Variants in GALNT18 observed in about 807,000 individuals in gnomAD.
The protein encoded by GALNT18 is polypeptide N-acetylgalactosaminyltransferase 18.
Under a neutral mutation model 69.5 loss-of-function variants are expected in GALNT18, and 44 were observed. The ratio of observed to expected loss-of-function variants is 0.63; its 90% CI spans 0.50 to 0.81. The LOEUF (loss-of-function observed/expected upper bound fraction) is 0.81, where lower values mean the gene tolerates loss of function less well. GALNT18 is among the 40% of genes least tolerant of loss of function. GALNT18 has a pLI of 0.00. For missense variants in GALNT18, 715 were observed against 810.0 expected, an observed-to-expected ratio of 0.88 and a Z score of 1.42; for synonymous variants, 364 against 318.2, an observed-to-expected ratio of 1.14 and a Z score of -1.53.
intron 1 of GALNT18, among the ~76,000 whole-genome samples, chr11:11,566,803 C>A (rs968752187): frequency 1.3e-5 from 2 of 152,112 alleles, no homozygotes; most frequent in Admixed American, 1.3e-4. Flanking sequence ...GATGAACAGA[C>A]CACTTTGAAC....
At chr11:11,374,271 C>T (rs1354035374) in intron 5 of GALNT18, among the ~76,000 whole-genome samples, 1 of 152,188 alleles carries the variant, frequency 6.6e-6, no homozygotes, top group Non-Finnish European at 1.5e-5. Context: ...AGTTCCCTAG[C>T]CTCTCTGAGC....
At chr11:11,599,141 T>C (rs571963635) in intron 1 of GALNT18, among the ~76,000 whole-genome samples, 2 of 152,152 alleles carry the variant, frequency 1.3e-5, no homozygotes, top group Non-Finnish European at 2.9e-5. Flanking sequence ...GTCTTCTATA[T>C]CATCATTAGT....
chr11:11,281,972 G>A lies in GALNT18; in HGVS notation c.1678-10682C>T, dbSNP rs1024840055. On this transcript the variant is annotated intron_variant, in intron 10 of 10. Transcript: ENST00000227756. ...GGCCATGGTGGGGCATCGCTGAGCA[G>A]AGCCCTGACCTGCTCCCTGGGAACA... Among the ~76,000 whole-genome samples the A allele has an allele frequency of 3.3e-5, 5 of 152,102 alleles. No homozygotes were observed. The South Asian group carries it at 1.0e-3, about 32-fold the overall frequency.
rs78949618 is a variant in GALNT18 at position 11,337,248 on chromosome 11, C to A, written c.1278+3571G>T. Among the ~76,000 whole-genome samples, 897 of 152,332 alleles carry A rather than the reference C, an allele frequency of 5.9e-3. 5 individuals are homozygous for A. Among genetic ancestry groups the A allele is most frequent in the Non-Finnish European group, 9.5e-3 (645 of 68,040 alleles). ...CCAAGGGAGAGAGGGATTACTCACACTGCCAGCAAACTCACTCATTAATAA... is the reference window on the plus strand; with the variant it reads ...CCAAGGGAGAGAGGGATTACTCACAATGCCAGCAAACTCACTCATTAATAA... On this transcript the variant is annotated intron_variant, in intron 7 of 10. Coordinates refer to ENST00000227756, the MANE Select transcript of GALNT18 (RefSeq NM_198516.3). This position sits in a 1 kb window ranked among gnomAD's most constrained non-coding sequence, Gnocchi z 4.9.
At chr11:11,357,526 C>T (rs1177515227) in intron 6 of GALNT18, among the ~76,000 whole-genome samples, 1 of 152,226 alleles carries the variant, frequency 6.6e-6, no homozygotes, top group East Asian at 1.9e-4. Flanking sequence ...TTGACTCCAA[C>T]TATTCCCCCC....
intron 3 of GALNT18, among the ~76,000 whole-genome samples, chr11:11,393,652 G>C (rs867517335): frequency 9.8e-5 from 15 of 152,354 alleles, no homozygotes; most frequent in African/African-American, 3.6e-4. Context: ...GCCAGTAGAG[G>C]AACATCAACA....
At position 11,619,992 on chromosome 11, in the gene GALNT18, T is replaced by C. The variant is rs997995400; in HGVS notation, c.235+1367A>G. 1.3e-5 allele frequency among the ~76,000 whole-genome samples: 2 copies of C among 152,100 alleles called. No individual in the cohort carries two copies. Among genetic ancestry groups the C allele is most frequent in the Non-Finnish European group, 2.9e-5 (2 of 68,028 alleles). On this transcript the variant is annotated intron_variant, in intron 1 of 10. Coordinates refer to ENST00000227756, the MANE Select transcript of GALNT18 (RefSeq NM_198516.3). The surrounding 1 kb of genome is among the most constrained non-coding windows in gnomAD (Gnocchi z 4.9). ...GCACTCACCTGAACCTCCCTGAACC[T>C]TCCCCTCCTGGAAAGGAACTATTCT...
intron 2 of GALNT18, among the ~76,000 whole-genome samples, chr11:11,440,404 A>G (rs1309506751): frequency 6.6e-6 from 1 of 152,212 alleles, no homozygotes; most frequent in African/African-American, 2.4e-5. Flanking sequence ...TGAGCAGGCC[A>G]GGCCCATAGC....
chr11:11,449,021 GC>G (rs1334090807), intron 1 of GALNT18, 85 bp from the exon 2 acceptor site: 3 of 1,168,678 alleles, frequency 2.6e-6, no homozygotes, highest in Non-Finnish European at 3.5e-6. Flanking sequence ...CTCACAAACA[GC>G]CTTTGGTAAA....
At chr11:11,451,889 T>C (rs573304630) in intron 1 of GALNT18, among the ~76,000 whole-genome samples, 1 of 152,326 alleles carries the variant, frequency 6.6e-6, no homozygotes, top group South Asian at 2.1e-4. Flanking sequence ...CTCCACATTC[T>C]TTTCTCTACA....
intron 1 of GALNT18, among the ~76,000 whole-genome samples, chr11:11,615,919 T>C (rs1198348874): frequency 6.6e-6 from 1 of 152,220 alleles, no homozygotes; most frequent in Non-Finnish European, 1.5e-5. Context: ...TAACATATAA[T>C]ACAGGCAAAA....
At position 11,621,595 on chromosome 11, in the gene GALNT18, C is replaced by A; in HGVS notation, c.-2G>T. On this transcript the variant is annotated 5_prime_UTR_variant, in exon 1 of 11. Coordinates refer to ENST00000227756, the MANE Select transcript of GALNT18 (RefSeq NM_198516.3). This position sits in a 1 kb window ranked among gnomAD's most constrained non-coding sequence, Gnocchi z 9.3. ...TTTGGTCTTCCTGGTGCACACCATT[C>A]TGGGCTCCTTCCTCCATATAGAGCT... The A allele has an allele frequency of 6.3e-7, 1 of 1,584,116 alleles. No individual in the cohort carries two copies. Among genetic ancestry groups the A allele is most frequent in the East Asian group, 2.3e-5 (1 of 43,154 alleles).
At chr11:11,343,633 G>A (rs115476682) in intron 6 of GALNT18, among the ~76,000 whole-genome samples, 39 of 152,264 alleles carry the variant, frequency 2.6e-4, no homozygotes, top group African/African-American at 7.5e-4. Context: ...CTTTGCTCAG[G>A]TTCTCTATGA....
chr11:11,472,382 C>G (rs1427770938), intron 1 of GALNT18, among the ~76,000 whole-genome samples: 1 of 152,230 alleles, frequency 6.6e-6, no homozygotes, highest in East Asian at 1.9e-4. Context: ...ATGTATTTCT[C>G]AGAGCTTCCC....
intron 2 of GALNT18, among the ~76,000 whole-genome samples, chr11:11,441,029 G>C (rs533952254): frequency 6.6e-6 from 1 of 152,258 alleles, no homozygotes; most frequent in East Asian, 1.9e-4. Context: ...TCATACTACC[G>C]AATTTCTCTT....
At chr11:11,313,086 CT>C (rs1395049382) in intron 9 of GALNT18, among the ~76,000 whole-genome samples, 1 of 152,054 alleles carries the variant, frequency 6.6e-6, no homozygotes, top group Non-Finnish European at 1.5e-5. Context: ...AAGAAGCAGG[CT>C]TTTGGCTGAG....
At chr11:11,508,576 A>G (rs1181331937) in intron 1 of GALNT18, among the ~76,000 whole-genome samples, 1 of 152,142 alleles carries the variant, frequency 6.6e-6, no homozygotes, top group African/African-American at 2.4e-5. Flanking sequence ...TGCTTCCCCA[A>G]ATTGTTGTTG....
At chr11:11,295,815 CA>C (rs1382488582) in intron 9 of GALNT18, among the ~76,000 whole-genome samples, 1 of 151,996 alleles carries the variant, frequency 6.6e-6, no homozygotes, top group East Asian at 1.9e-4. Context: ...TCACTGTGAC[CA>C]AAGTTCTGAG....
chr11:11,340,303 T>A lies in GALNT18; in HGVS notation c.1278+516A>T, dbSNP rs1850180993. Among the ~76,000 whole-genome samples the A allele has an allele frequency of 2.1e-5, 1 of 47,840 alleles. No homozygotes were observed. Among genetic ancestry groups the A allele is most frequent in the African/African-American group, 1.4e-4 (1 of 7,248 alleles). 31.4% of individuals were successfully genotyped at this position (47,840 alleles called of 152,430 possible). ...TGTGAAGGTTAACTCCATCTCCTAG[T>A]GAAGGTCCCTGTAGGTGTGCCCCCA... is the stretch of plus-strand genomic sequence containing the variant. On this transcript the variant is annotated intron_variant, in intron 7 of 10. Transcript: ENST00000227756. The surrounding 1 kb of genome is among the most constrained non-coding windows in gnomAD (Gnocchi z 4.2).
Sources: allele counts gnomAD v4.1 joint callset (sites outside exome capture counted in the v4.1 genomes callset), GRCh38; gene constraint gnomAD v4.1.1; non-coding constraint Gnocchi (gnomAD v3.1); transcripts MANE v1.5; gene names NCBI Gene and HGNC (gene_info 2026-07-23, HGNC 2026-07-21).